Variants in ELL observed in about 807,000 individuals in gnomAD.
ELL encodes RNA polymerase II elongation factor ELL.
A neutral mutation model predicts 64.0 loss-of-function variants in ELL; 18 were observed. The observed-to-expected ratio is 0.28, with a 90% CI of 0.19 to 0.42. The LOEUF (loss-of-function observed/expected upper bound fraction) is 0.42, where lower values mean the gene tolerates loss of function less well. Among genes scored for constraint, ELL ranks in the 10% least tolerant of loss-of-function variants. ELL has a pLI of 1.00. For synonymous variants in ELL, 399 were observed against 376.2 expected (o/e 1.06, Z -0.70); for missense variants, 797 against 870.4 (o/e 0.92, Z 1.06).
chr19:18,450,669 G>T lies in ELL; in HGVS notation c.1273C>A (p.Leu425Ile). 4 of 1,587,482 alleles carry T rather than the reference G, an allele frequency of 2.5e-6. No homozygotes were observed. Among genetic ancestry groups the T allele is most frequent in the Non-Finnish European group, 3.4e-6 (4 of 1,167,654 alleles). The change falls in exon 8 of 12, where the codon CTC (leucine) becomes ATC (isoleucine). Residue 425 changes from leucine to isoleucine, a missense_variant. Leu to Ile is a conservative substitution (Grantham distance 5, BLOSUM62 2). Transcript: ENST00000262809. ...EAAAPAPTVR[L>I]GLPLLTDCAQ... ...CAGTCCGTCAGCAGGGGCAGGCCGA[G>T]GCGCACAGTGGGGGCTGGGGCAGCC...
chr19:18,462,365 T>TGTGTGTG (rs1295088969), intron 4 of ELL, among the ~76,000 whole-genome samples: 2,289 of 38,646 alleles, frequency 0.059, 323 homozygotes, highest in African/African-American at 0.16. Context: ...GTGTGTGTGT[T>TGTGTGTG]TGGGCGGGGG....
intron 1 of ELL, among the ~76,000 whole-genome samples, chr19:18,483,515 C>T (rs923785527): frequency 1.3e-5 from 2 of 152,182 alleles, no homozygotes; most frequent in Non-Finnish European, 2.9e-5. Flanking sequence ...CACAGACGGC[C>T]AGCCTCCATC....
rs60371809 is a variant in ELL at position 18,479,708 on chromosome 19, C to CAAAAAA, written c.136-6832_136-6827dup. 1.8e-3 allele frequency among the ~76,000 whole-genome samples: 131 copies of CAAAAAA among 72,708 alleles called. 3 individuals carry two copies. The highest frequency in any genetic ancestry group is 4.3e-3 in the African/African-American group (79 of 18,348). The allele number at this position is 72,708 out of a possible 152,430, so 47.7% of individuals were successfully genotyped here. On this transcript the variant is annotated intron_variant, in intron 1 of 11. Coordinates refer to ENST00000262809, the MANE Select transcript of ELL (RefSeq NM_006532.4). ...TGCACGACAGAGTGAGACTCCATCT[C>CAAAAAA]AAAAAAAAAAAAAAAAAAAAATCTA...
At chr19:18,477,278 G>C (rs1199019394) in intron 1 of ELL, among the ~76,000 whole-genome samples, 2 of 152,148 alleles carry the variant, frequency 1.3e-5, no homozygotes, top group East Asian at 3.9e-4. Context: ...CGAACTTGAA[G>C]ACAAAGCCAC....
At position 18,509,621 on chromosome 19, in the gene ELL, A is replaced by G. The variant is rs1029334705; in HGVS notation, c.135+12300T>C. Among the ~76,000 whole-genome samples the G allele has an allele frequency of 6.9e-3, 985 of 141,794 alleles. 25 individuals are homozygous for G. Among genetic ancestry groups the G allele is most frequent in the African/African-American group, 0.016 (589 of 36,266 alleles). 93.0% of individuals were successfully genotyped at this position (141,794 alleles called of 152,430 possible). ...CATACACACACACACACACACACAC[A>G]CACACACACACACACACACACACAC... On this transcript the variant is annotated intron_variant, in intron 1 of 11. Coordinates refer to ENST00000262809, the MANE Select transcript of ELL (RefSeq NM_006532.4).
intron 1 of ELL, among the ~76,000 whole-genome samples, chr19:18,512,167 GA>G (rs1319036346): frequency 2.8e-5 from 4 of 143,986 alleles, no homozygotes; most frequent in Non-Finnish European, 4.6e-5. Flanking sequence ...AAAAAAAAAA[GA>G]AAAAAAATTA....
intron 1 of ELL, among the ~76,000 whole-genome samples, chr19:18,504,239 G>A (rs1327627260): frequency 2.6e-5 from 4 of 152,206 alleles, no homozygotes; most frequent in Non-Finnish European, 5.9e-5. Flanking sequence ...GGTGGGCAAA[G>A]GGCATCTGTC....
At chr19:18,480,635 T>C (rs967288056) in intron 1 of ELL, among the ~76,000 whole-genome samples, 1 of 152,150 alleles carries the variant, frequency 6.6e-6, no homozygotes, top group Non-Finnish European at 1.5e-5. Context: ...AAGTATTTTT[T>C]TTCTTTCTTT....
At chr19:18,459,581 G>A (rs567713872) in intron 5 of ELL, among the ~76,000 whole-genome samples, 4 of 144,418 alleles carry the variant, frequency 2.8e-5, no homozygotes, top group African/African-American at 1.0e-4. Context: ...GTGCAATGGC[G>A]CTATCTTGGC....
At chr19:18,468,149 C>G (rs1403319786) in intron 2 of ELL, among the ~76,000 whole-genome samples, 1 of 150,908 alleles carries the variant, frequency 6.6e-6, no homozygotes, top group African/African-American at 2.4e-5. Context: ...CACACAGCCA[C>G]ACAAACACAA....
chr19:18,514,513 C>CAAAA (rs557236460), intron 1 of ELL, among the ~76,000 whole-genome samples: 3 of 39,296 alleles, frequency 7.6e-5, no homozygotes, highest in Non-Finnish European at 1.2e-4. Flanking sequence ...GACTCCATCT[C>CAAAA]AAAAAAAAAA....
At chr19:18,470,224 G>T (rs1368631216) in intron 2 of ELL, among the ~76,000 whole-genome samples, 2 of 152,216 alleles carry the variant, frequency 1.3e-5, no homozygotes, top group Non-Finnish European at 2.9e-5. Context: ...ATGTTATTAG[G>T]CTCCAGGTCA....
At position 18,472,006 on chromosome 19, in the gene ELL, G is replaced by A. The variant is rs113462233; in HGVS notation, c.183+829C>T. 8.2e-3 allele frequency among the ~76,000 whole-genome samples: 1,242 copies of A among 151,292 alleles called. 17 individuals are homozygous for A. The highest frequency in any genetic ancestry group is 0.028 in the African/African-American group (1,142 of 41,212). Reference sequence around the variant, plus strand: ...AGACAGAGTTTCGCTCTTGTTGCCCGGGCTGTAGTACAATGGTGCGATCTC... The same window carrying A: ...AGACAGAGTTTCGCTCTTGTTGCCCAGGCTGTAGTACAATGGTGCGATCTC... On this transcript the variant is annotated intron_variant, in intron 2 of 11. Transcript: ENST00000262809.
Position 18,450,485 on chromosome 19 carries a change from T to C in ELL, c.1457A>G (p.Asp486Gly). 1 of 1,612,530 alleles carries C rather than the reference T, an allele frequency of 6.2e-7. No homozygotes were observed. Among genetic ancestry groups the C allele is most frequent in the East Asian group, 2.2e-5 (1 of 44,860 alleles). ...CCTGCCTGGGCACCTACCTGGGGTG[T>C]CTGCTGGGGCTCCGGGGGTGGCATG... The part of the protein sequence containing the change: ...ATHATPGAPA[D>G]TPGLNGTCSV... The change falls in exon 8 of 12, where the codon GAC becomes GGC. Residue 486 changes from aspartate (D) to glycine (G), a missense_variant. Transcript: ENST00000262809.
chr19:18,476,886 A>G (rs973349711), intron 1 of ELL, among the ~76,000 whole-genome samples: 3 of 152,182 alleles, frequency 2.0e-5, no homozygotes, highest in Admixed American at 6.5e-5. Flanking sequence ...CACGGGCACT[A>G]AGGCTAACTC....
At chr19:18,481,566 C>G (rs1231976089) in intron 1 of ELL, among the ~76,000 whole-genome samples, 1 of 152,168 alleles carries the variant, frequency 6.6e-6, no homozygotes, top group Non-Finnish European at 1.5e-5. Context: ...AGGGTAACCT[C>G]CCCATCTCAA....
intron 6 of ELL, among the ~76,000 whole-genome samples, chr19:18,455,585 T>C (rs8103660): frequency 0.47 from 71,413 of 151,312 alleles, 19,468 homozygotes; most frequent in African/African-American, 0.76. Flanking sequence ...GTGGCTCACA[T>C]GTGTAATCCC....
Position 18,461,781 on chromosome 19 carries a change from G to A in ELL, c.541C>T (p.Pro181Ser). 2.5e-6 allele frequency: 4 copies of A among 1,614,150 alleles called. No individual in the cohort carries two copies. The highest frequency in any genetic ancestry group is 3.4e-6 in the Non-Finnish European group (4 of 1,180,048). ...DAVPSRKRAT[P>S]INLASAIRKS... ...CTGATGGCACTCGCCAAGTTGATGG[G>A]GGTTGCCCGCTTCCGGGAGGGCACC... is the stretch of plus-strand genomic sequence containing the variant. Residue 181 changes from proline to serine, a missense_variant, in exon 5 of 12, where the codon CCC becomes TCC. Physicochemically the swap from Pro to Ser is moderately conservative, Grantham distance 74. Transcript: ENST00000262809.
chr19:18,475,349 A>G (rs1305722027), intron 1 of ELL, among the ~76,000 whole-genome samples: 2 of 152,354 alleles, frequency 1.3e-5, no homozygotes, highest in Admixed American at 6.5e-5. Context: ...ATCTAAAAGA[A>G]GCTGACAAGA....
Sources: allele counts gnomAD v4.1 joint callset (sites outside exome capture counted in the v4.1 genomes callset), GRCh38; gene constraint gnomAD v4.1.1; transcripts MANE v1.5; gene names NCBI Gene and HGNC (gene_info 2026-07-23, HGNC 2026-07-21).